The following RNF31 variants were observed in gnomAD, a reference collection of about 807,000 sequenced individuals.
The protein encoded by RNF31 is E3 ubiquitin-protein ligase RNF31.
A neutral mutation model predicts 133.6 loss-of-function variants in RNF31; 38 were observed. The ratio of observed to expected loss-of-function variants is 0.28; its 90% confidence interval spans 0.22 to 0.37. RNF31 has a LOEUF of 0.37. Among genes scored for constraint, RNF31 ranks in the 10% least tolerant of loss-of-function variants. The pLI is 1.00. For synonymous variants in RNF31, 582 were observed against 552.3 expected, an observed-to-expected ratio of 1.05 and a Z score of -0.75; for missense variants, 1,118 against 1,394.1, an observed-to-expected ratio of 0.80 and a Z score of 3.15.
chr14:24,149,734 C>T lies in RNF31; in HGVS notation c.809+151C>T, dbSNP rs1169812546. 5.8e-6 allele frequency: 5 copies of T among 859,934 alleles called. No homozygotes were observed. In the Admixed American group the frequency reaches 1.4e-4, roughly 25 times the overall value. 53.3% of individuals were successfully genotyped at this position (859,934 alleles called of 1,614,324 possible). ...TGAAAGAGATAATAGACATACACAT[C>T]AAGCAGGTAGCAATTGCAGTAACCC... On this transcript the variant is annotated intron_variant, in intron 6 of 20. Coordinates refer to ENST00000324103, the MANE Select transcript of RNF31 (RefSeq NM_017999.5).
intron 5 of RNF31, chr14:24,149,121 G>A (rs1357166286): frequency 4.5e-5 from 27 of 594,286 alleles, no homozygotes; most frequent in Admixed American, 9.1e-5. Flanking sequence ...GCGCCACCGC[G>A]CTCGGCTAAT....
In RNF31 at chr14:24,149,409, C is replaced by T; in HGVS notation, c.635C>T (p.Ser212Phe). Residue 212 changes from serine (S) to phenylalanine (F), a missense_variant, in exon 6 of 21, where the codon TCC becomes TTC. Transcript: ENST00000324103. ...GPLTTPSVPG[S>F]TPGPCFLCGS... ...TTCCATCTCTCCTGCCCTCCAGGCT[C>T]CACTCCTGGTCCCTGCTTCCTCTGT... 6.2e-7 allele frequency: 1 copy of T among 1,613,154 alleles called. No homozygotes were observed. The highest frequency in any genetic ancestry group is 1.7e-5 in the Admixed American group (1 of 59,972).
chr14:24,159,214 G>A (rs998906331), intron 18 of RNF31, among the ~76,000 whole-genome samples: 2 of 151,402 alleles, frequency 1.3e-5, no homozygotes, highest in Non-Finnish European at 2.9e-5. Context: ...AGGTGTGGTG[G>A]CAGGCACCTG....
At chr14:24,149,299 G>T (rs1238442787) in intron 5 of RNF31, 107 bp from the exon 6 acceptor site, 14 of 1,150,064 alleles carry the variant, frequency 1.2e-5, no homozygotes, top group Non-Finnish European at 1.7e-5. Context: ...TTGTTTCCTT[G>T]GGTCCAGATG....
Position 24,151,723 on chromosome 14 carries a change from G to C in RNF31, c.1923+53G>C. 1.2e-6 allele frequency: 2 copies of C among 1,602,526 alleles called. No homozygotes were observed. The highest frequency in any genetic ancestry group is 1.7e-5 in the Admixed American group (1 of 59,612). On this transcript the variant is annotated intron_variant, in intron 10 of 20. Coordinates refer to ENST00000324103, the MANE Select transcript of RNF31 (RefSeq NM_017999.5). The surrounding 1 kb of genome is among the most constrained non-coding windows in gnomAD (Gnocchi z 5.3). ...GGTCCACCTAGAGGAGCAAGAGGGA[G>C]CTGAGGGGAAGGGTCCCTGGAGTCT... is the stretch of plus-strand genomic sequence containing the variant.
At position 24,150,750 on chromosome 14, in the gene RNF31, C is replaced by T. The variant is rs754166085; in HGVS notation, c.1350C>T (p.Ser450=). The change falls in exon 8 of 21, where the codon AGC becomes AGT. Residue 450 remains serine (S), a synonymous_variant. Transcript: ENST00000324103. ...PAQHAPRPYA[S]SLEKGPPKPG... ...AACATGCCCCCCGGCCCTATGCCAG[C>T]TCTTTGGAAAAGGGACCCCCCAAGC... 2 of 1,613,218 alleles carry T rather than the reference C, an allele frequency of 1.2e-6. No individual in the cohort carries two copies. Among genetic ancestry groups the T allele is most frequent in the Admixed American group, 1.7e-5 (1 of 59,938 alleles).
Position 24,151,585 on chromosome 14 carries a change from A to G in RNF31, c.1838A>G (p.Gln613Arg). 1.2e-6 allele frequency: 2 copies of G among 1,614,104 alleles called. No individual in the cohort carries two copies. The highest frequency in any genetic ancestry group is 1.7e-6 in the Non-Finnish European group (2 of 1,180,030). Reference protein sequence around the residue: ...GDVSRALTELQRQRLEPFRQR... With the variant: ...GDVSRALTELRRQRLEPFRQR... Reference sequence around the variant, plus strand: ...GTGTCACGGGCCCTGACTGAGCTACAGCGCCAACGCCTAGAGCCCTTCCGC... The same window carrying G: ...GTGTCACGGGCCCTGACTGAGCTACGGCGCCAACGCCTAGAGCCCTTCCGC... Residue 613 changes from glutamine to arginine, a missense_variant, in exon 10 of 21, where the codon CAG (glutamine) becomes CGG (arginine). Transcript: ENST00000324103. The surrounding 1 kb of genome is among the most constrained non-coding windows in gnomAD (Gnocchi z 5.3).
Position 24,151,777 on chromosome 14 carries a change from A to G in RNF31, c.1924-9A>G, listed in dbSNP as rs566167577. The G allele has an allele frequency of 6.2e-7, 1 of 1,606,222 alleles. No homozygotes were observed. The highest frequency in any genetic ancestry group is 2.2e-5 in the East Asian group (1 of 44,770). On this transcript the variant is annotated splice_polypyrimidine_tract_variant and intron_variant, in intron 10 of 20. Transcript: ENST00000324103. The surrounding 1 kb of genome is among the most constrained non-coding windows in gnomAD (Gnocchi z 5.3). The stretch of plus-strand genomic sequence containing the variant: ...AGCACTTCCCCCCTCCACCTGAATC[A>G]TATTGCAGAGCCTGGTCAGGCGGCT...
chr14:24,148,534 G>A, intron 3 of RNF31, 108 bp from the exon 4 acceptor site: 2 of 1,584,534 alleles, frequency 1.3e-6, no homozygotes, highest in Non-Finnish European at 1.7e-6. Context: ...CATTCTGGGA[G>A]CTCCGGGTAC....
At chr14:24,147,398 T>G (rs1437136415), upstream of RNF31, 1 of 292,226 alleles carries the variant, frequency 3.4e-6, no homozygotes. Context: ...GACCTGGCCC[T>G]CCCTCTTGGC....
chr14:24,147,656 G>T lies in RNF31; in HGVS notation c.-43G>T, dbSNP rs1566611433. The T allele has an allele frequency of 5.1e-6, 7 of 1,363,674 alleles. No individual in the cohort carries two copies. The African/African-American group carries it at 6.2e-5, about 12-fold the overall frequency. 84.5% of individuals were successfully genotyped at this position (1,363,674 alleles called of 1,614,324 possible). On this transcript the variant is annotated 5_prime_UTR_variant, in exon 1 of 21. Transcript: ENST00000324103. ...CTCGGGCCGCGCGCTGCCCGCGCCG[G>T]GTCCTGGCGGGCGGCGAGGCTGGGG...
rs772491925 is a variant in RNF31 at position 24,147,800 on chromosome 14, C to T, written c.102C>T (p.Leu34=). ...GGCAGGCGTTTTCCCTGGAGCAGCT[C>T]CGGCCGCTACTAGCCAGCTCTCTGC... ...DSGQAFSLEQ[L]RPLLASSLPL... is the part of the protein sequence containing the mutation. The change falls in exon 1 of 21, where the codon CTC becomes CTT. Residue 34 remains leucine, a synonymous_variant. Transcript: ENST00000324103. 4 of 1,596,996 alleles carry T rather than the reference C, an allele frequency of 2.5e-6. No individual in the cohort carries two copies. Among genetic ancestry groups the T allele is most frequent in the South Asian group, 1.1e-5 (1 of 89,252 alleles).
chr14:24,158,511 G>T, intron 18 of RNF31: 4 of 422,990 alleles, frequency 9.5e-6, no homozygotes, highest in East Asian at 4.3e-5. Context: ...AGTGCTAGTT[G>T]CAGGGCACTG....
chr14:24,150,785 C>A lies in RNF31; in HGVS notation c.1385C>A (p.Pro462Gln). The A allele has an allele frequency of 6.2e-7, 1 of 1,610,458 alleles. No individual in the cohort carries two copies. Among genetic ancestry groups the A allele is most frequent in the Non-Finnish European group, 8.5e-7 (1 of 1,177,430 alleles). ...LEKGPPKPGP[P>Q]RRLSAPLPSS... ...AAGGGACCCCCCAAGCCTGGGCCCC[C>A]ACGACGCCTTAGTGCCCCCCTGCCC... is the stretch of plus-strand genomic sequence containing the variant. Residue 462 changes from proline (P) to glutamine (Q), a missense_variant, in exon 8 of 21, where the codon CCA becomes CAA. By Grantham distance (76) the Pro-to-Gln change is moderately conservative. Coordinates refer to ENST00000324103, the MANE Select transcript of RNF31 (RefSeq NM_017999.5).
chr14:24,160,209 A>G lies in RNF31; in HGVS notation c.2997-30A>G, dbSNP rs779485294. 2 of 1,597,040 alleles carry G rather than the reference A, an allele frequency of 1.3e-6. No homozygotes were observed. Among genetic ancestry groups the G allele is most frequent in the Non-Finnish European group, 1.7e-6 (2 of 1,171,544 alleles). On this transcript the variant is annotated intron_variant, in intron 19 of 20. Transcript: ENST00000324103. This position sits in a 1 kb window ranked among gnomAD's most constrained non-coding sequence, Gnocchi z 4.0. Reference sequence around the variant, plus strand: ...ACACTCAGTTAATATTAGCCAACACAACAAATATTCTGCTCCCTTTTCTCC... The same window carrying G: ...ACACTCAGTTAATATTAGCCAACACGACAAATATTCTGCTCCCTTTTCTCC...
chr14:24,147,617 C>A lies in RNF31; in HGVS notation c.-82C>A. 7.8e-7 allele frequency: 1 copy of A among 1,273,924 alleles called. No homozygotes were observed. The highest frequency in any genetic ancestry group is 1.0e-6 in the Non-Finnish European group (1 of 988,170). The allele number at this position is 1,273,924 out of a possible 1,614,324, so 78.9% of individuals were successfully genotyped here. ...GTGGGCCTCAAAGCCGGGCACCAGACGGGAGGGGCGGCGCTCGGGCCGCGC... is the reference window on the plus strand; with the variant it reads ...GTGGGCCTCAAAGCCGGGCACCAGAAGGGAGGGGCGGCGCTCGGGCCGCGC... On this transcript the variant is annotated 5_prime_UTR_variant, in exon 1 of 21. Transcript: ENST00000324103.
In RNF31 at chr14:24,150,298, T is replaced by C. The variant is rs1180936422; in HGVS notation, c.1047T>C (p.Leu349=). 3 of 1,614,084 alleles carry C rather than the reference T, an allele frequency of 1.9e-6. No homozygotes were observed. The African/African-American group carries it at 4.0e-5, about 22-fold the overall frequency. Residue 349 remains leucine, a synonymous_variant, in exon 7 of 21, where the codon CTT becomes CTC. Transcript: ENST00000324103. ...PQGTGGLEPD[L]ARGRWACQSC... ...GAACTGGAGGCCTAGAACCTGATCT[T>C]GCACGGGGTCGGTGGGCCTGCCAGA...
rs575813629 is a variant in RNF31, at chr14:24,152,178, G to A, written c.2130+186G>A. Among the ~76,000 whole-genome samples the A allele has an allele frequency of 2.6e-5, 4 of 152,160 alleles. No individual in the cohort carries two copies. The East Asian group carries it at 7.7e-4, about 29-fold the overall frequency. On this transcript the variant is annotated intron_variant, in intron 11 of 20. Coordinates refer to ENST00000324103, the MANE Select transcript of RNF31 (RefSeq NM_017999.5). ...CCCTTTTAAAACAATGTTCTATTATGGAAATTTTCAAACATGCAATAGTAG... is the reference window on the plus strand; with the variant it reads ...CCCTTTTAAAACAATGTTCTATTATAGAAATTTTCAAACATGCAATAGTAG...
intron 11 of RNF31, among the ~76,000 whole-genome samples, chr14:24,152,752 G>A (rs1816038273): frequency 6.6e-6 from 1 of 152,196 alleles, no homozygotes; most frequent in African/African-American, 2.4e-5. Flanking sequence ...GAACTAAGAA[G>A]GGCTTATTCC....
Sources: allele counts gnomAD v4.1 joint callset (sites outside exome capture counted in the v4.1 genomes callset), GRCh38; gene constraint gnomAD v4.1.1; non-coding constraint Gnocchi (gnomAD v3.1); transcripts MANE v1.5; gene names NCBI Gene and HGNC (gene_info 2026-07-23, HGNC 2026-07-21).